Variants in CACNA1E observed in about 807,000 individuals in gnomAD.
The protein encoded by CACNA1E is calcium voltage-gated channel subunit alpha1 E, also known as voltage-dependent R-type calcium channel subunit alpha-1E.
Under a neutral mutation model 259.2 loss-of-function variants are expected in CACNA1E, and 40 were observed. The ratio of observed to expected loss-of-function variants is 0.15; its 90% CI spans 0.12 to 0.20. The LOEUF (loss-of-function observed/expected upper bound fraction) is 0.20, where lower values mean the gene tolerates loss of function less well. Ranked by LOEUF, CACNA1E falls within the 10% of genes least tolerant of loss-of-function variation. The pLI is 1.00. For missense variants in CACNA1E, 1,874 were observed against 3,040.1 expected (o/e 0.62, Z 9.02); for synonymous variants, 1,104 against 1,138.5 (o/e 0.97, Z 0.61).
chr1:181,496,210 T>C (rs980818995), intron 1 of CACNA1E, among the ~76,000 whole-genome samples: 1 of 152,218 alleles, frequency 6.6e-6, no homozygotes, highest in African/African-American at 2.4e-5. Flanking sequence ...GTATTGTACC[T>C]AAGGACATAT....
intron 1 of CACNA1E, among the ~76,000 whole-genome samples, chr1:181,348,230 C>G (rs1489965654): frequency 6.6e-6 from 1 of 151,992 alleles, no homozygotes; most frequent in East Asian, 1.9e-4. Context: ...GGGGTCATTT[C>G]ATTCCAGATG....
chr1:181,800,385 C>G lies in CACNA1E; in HGVS notation c.*1551C>G, dbSNP rs538157027. 26 of 152,750 alleles carry G rather than the reference C, an allele frequency of 1.7e-4. No homozygotes were observed. The highest frequency in any genetic ancestry group is 1.5e-3 in the Admixed American group (23 of 15,298). 9.5% of individuals were successfully genotyped at this position (152,750 alleles called of 1,614,324 possible). ...TCCCACCCTGTCATTCCTAATAGCC[C>G]AAACGCAGAAGCACTGAGCAAGAGA... On this transcript the variant is annotated 3_prime_UTR_variant, in exon 48 of 48. Transcript: ENST00000367573.
At chr1:181,585,458 G>T (rs2102999559) in intron 6 of CACNA1E, among the ~76,000 whole-genome samples, 1 of 152,322 alleles carries the variant, frequency 6.6e-6, no homozygotes, top group Middle Eastern at 3.4e-3. Context: ...ATACAGTAGA[G>T]AGTAAAACAT....
chr1:181,595,138 A>G (rs1338270915), intron 6 of CACNA1E, among the ~76,000 whole-genome samples: 1 of 152,230 alleles, frequency 6.6e-6, no homozygotes, highest in Admixed American at 6.5e-5. Flanking sequence ...GATATGAAAC[A>G]AAGCTGCCAC....
intron 1 of CACNA1E, among the ~76,000 whole-genome samples, chr1:181,355,626 CAAA>C (rs754988353): frequency 6.8e-6 from 1 of 147,174 alleles, no homozygotes; most frequent in Non-Finnish European, 1.5e-5. Flanking sequence ...CAAAACAAAA[CAAA>C]ACAAACCAGA....
intron 1 of CACNA1E, among the ~76,000 whole-genome samples, chr1:181,366,239 G>A (rs753487262): frequency 6.6e-6 from 1 of 152,158 alleles, no homozygotes; most frequent in African/African-American, 2.4e-5. Context: ...GACCTCTGTG[G>A]TGTTGCATCC....
intron 1 of CACNA1E, among the ~76,000 whole-genome samples, chr1:181,323,988 C>T (rs985813703): frequency 3.3e-5 from 5 of 152,242 alleles, no homozygotes; most frequent in African/African-American, 1.2e-4. Context: ...GGAGCCTGGG[C>T]TTGGGGGGCA....
chr1:181,699,957 T>C (rs1204121681), intron 7 of CACNA1E, among the ~76,000 whole-genome samples: 1 of 152,126 alleles, frequency 6.6e-6, no homozygotes, highest in Non-Finnish European at 1.5e-5. Flanking sequence ...AGTTGACAGT[T>C]ACATAACTGG....
chr1:181,721,964 G>A, intron 16 of CACNA1E, 89 bp downstream of exon 16: 1 of 859,736 alleles, frequency 1.2e-6, no homozygotes, highest in African/African-American at 1.6e-5. Flanking sequence ...GCTAGAGCTT[G>A]GGTTGGTGGG....
At chr1:181,529,434 G>A (rs1192675778) in intron 3 of CACNA1E, among the ~76,000 whole-genome samples, 1 of 152,244 alleles carries the variant, frequency 6.6e-6, no homozygotes, top group Admixed American at 6.5e-5. Context: ...CCCTACGGGG[G>A]CACTGCCTAG....
intron 6 of CACNA1E, among the ~76,000 whole-genome samples, chr1:181,637,721 G>T (rs2101980975): frequency 6.6e-6 from 1 of 152,260 alleles, no homozygotes; most frequent in East Asian, 1.9e-4. Context: ...AGCCCACAAT[G>T]ATTATGTTGC....
exon 2 of CACNA1E, chr1:181,413,407 C>A (rs979917505): frequency 2.0e-5 from 3 of 152,500 alleles, no homozygotes; most frequent in African/African-American, 7.2e-5. Context: ...AGGGCGAGGG[C>A]CAGGGCTGGG....
intron 7 of CACNA1E, among the ~76,000 whole-genome samples, chr1:181,652,883 A>G (rs1558230247): frequency 6.6e-6 from 1 of 152,050 alleles, no homozygotes; most frequent in Admixed American, 6.6e-5. Context: ...TGTACTGAAA[A>G]CAGGAGGGCT....
At chr1:181,349,439 G>A (rs1011983937) in intron 1 of CACNA1E, among the ~76,000 whole-genome samples, 1 of 152,252 alleles carries the variant, frequency 6.6e-6, no homozygotes, top group African/African-American at 2.4e-5. Context: ...GGGCTAAATT[G>A]TGTTCTATGA....
At chr1:181,553,158 G>T (rs1433908877) in intron 3 of CACNA1E, among the ~76,000 whole-genome samples, 2 of 152,058 alleles carry the variant, frequency 1.3e-5, no homozygotes, top group East Asian at 1.9e-4. Context: ...CCATTTGTTC[G>T]TGTACTTTCT....
intron 7 of CACNA1E, among the ~76,000 whole-genome samples, chr1:181,663,421 G>C (rs1305093522): frequency 6.6e-6 from 1 of 152,178 alleles, no homozygotes; most frequent in Non-Finnish European, 1.5e-5. Context: ...TGGAGTCACA[G>C]ATGTCTCTGT....
intron 7 of CACNA1E, among the ~76,000 whole-genome samples, chr1:181,691,328 C>A (rs1651135242): frequency 1.3e-5 from 2 of 151,828 alleles, no homozygotes; most frequent in Non-Finnish European, 2.9e-5. Flanking sequence ...CTACATTTTA[C>A]ATACATTTTC....
chr1:181,427,052 A>C (rs1571846944), intron 2 of CACNA1E, among the ~76,000 whole-genome samples: 6 of 127,030 alleles, frequency 4.7e-5, no homozygotes, highest in Admixed American at 7.8e-5. Context: ...CAACCCCTTC[A>C]CAACTCAACC....
intron 2 of CACNA1E, among the ~76,000 whole-genome samples, chr1:181,445,747 C>G (rs1660753634): frequency 6.6e-6 from 1 of 152,208 alleles, no homozygotes; most frequent in Non-Finnish European, 1.5e-5. Context: ...CTTGACAGAT[C>G]TGGTCTCAAG....
Sources: allele counts gnomAD v4.1 joint callset (sites outside exome capture counted in the v4.1 genomes callset), GRCh38; gene constraint gnomAD v4.1.1; transcripts MANE v1.5; gene names NCBI Gene and HGNC (gene_info 2026-07-23, HGNC 2026-07-21).